STXBP4: variants seen among roughly 807,000 people sequenced by gnomAD.
STXBP4 encodes syntaxin binding protein 4.
In STXBP4, 55 loss-of-function variants were observed where a neutral mutation model predicts 76.1. That is an observed-to-expected ratio of 0.72 (90% confidence interval 0.58 to 0.91). The LOEUF (loss-of-function observed/expected upper bound fraction) is 0.91. STXBP4 is among the 40% of genes least tolerant of loss of function. STXBP4 has a pLI of 0.00. For missense variants in STXBP4, 618 were observed against 636.9 expected (o/e 0.97, Z 0.32); for synonymous variants, 201 against 220.2 (o/e 0.91, Z 0.77).
chr17:55,004,468 G>A (rs1468111015), intron 7 of STXBP4, among the ~76,000 whole-genome samples: 4 of 152,084 alleles, frequency 2.6e-5, no homozygotes, highest in Admixed American at 6.6e-5. Context: ...TTGGAAGGTC[G>A]AGATGGGAGG....
rs369825423 is a variant in STXBP4 at position 54,992,216 on chromosome 17, C to G, written c.180+1259C>G. 6.6e-5 allele frequency among the ~76,000 whole-genome samples: 10 copies of G among 151,820 alleles called. No individual in the cohort carries two copies. The South Asian group carries it at 1.3e-3, about 19-fold the overall frequency. ...ATTGCTTGAGCTCAGGAGTTTGAGA[C>G]CAGCCTGGGCAACGTAGAGAGACTT... is the stretch of plus-strand genomic sequence containing the variant. On this transcript the variant is annotated intron_variant, in intron 4 of 17. Coordinates refer to ENST00000376352, the MANE Select transcript of STXBP4 (RefSeq NM_178509.6).
At position 55,039,953 on chromosome 17, in the gene STXBP4, T is replaced by G. The variant is rs139264571; in HGVS notation, c.856-3283T>G. 5.4e-3 allele frequency among the ~76,000 whole-genome samples: 822 copies of G among 152,158 alleles called. 8 individuals are homozygous for G. The highest frequency in any genetic ancestry group is 6.5e-3 in the Non-Finnish European group (445 of 67,964). ...CACTGGGAAGGAATTTGGGAATATT[T>G]TGGAGAGTGATAGTTGAGGCATAAT... On this transcript the variant is annotated intron_variant, in intron 10 of 17. Transcript: ENST00000376352.
chr17:55,079,575 C>A lies in STXBP4; in HGVS notation c.1355+840C>A, dbSNP rs554746496. 6.4e-5 allele frequency among the ~76,000 whole-genome samples: 9 copies of A among 140,818 alleles called. No individual in the cohort carries two copies. The South Asian group carries it at 1.2e-3, about 18-fold the overall frequency. The allele number at this position is 140,818 out of a possible 152,430, so 92.4% of individuals were successfully genotyped here. ...GAGTTTGAGACAAGGAACATAGTGG[C>A]ACACAGTGGGACCCTATCTCTACAA... is the stretch of plus-strand genomic sequence containing the variant. On this transcript the variant is annotated intron_variant, in intron 15 of 17. Coordinates refer to ENST00000376352, the MANE Select transcript of STXBP4 (RefSeq NM_178509.6).
intron 16 of STXBP4, among the ~76,000 whole-genome samples, chr17:55,090,048 A>G (rs1226024075): frequency 6.6e-6 from 1 of 152,152 alleles, no homozygotes; most frequent in Non-Finnish European, 1.5e-5. Context: ...AACAGTAACG[A>G]TTGTGGGAAT....
chr17:55,123,395 A>G (rs773748780), intron 16 of STXBP4, among the ~76,000 whole-genome samples: 3 of 152,290 alleles, frequency 2.0e-5, no homozygotes, highest in African/African-American at 7.2e-5. Context: ...TTTTTCCTGA[A>G]TTAATCAGAA....
At chr17:55,129,090 C>T (rs146325330) in intron 16 of STXBP4, among the ~76,000 whole-genome samples, 2,184 of 151,926 alleles carry the variant, frequency 0.014, 53 homozygotes, top group African/African-American at 0.049. Context: ...CCACCACACC[C>T]GGCTAATTTT....
chr17:55,000,931 T>G (rs768604021), intron 7 of STXBP4, 48 bp downstream of exon 7: 1 of 1,266,626 alleles, frequency 7.9e-7, no homozygotes, highest in Non-Finnish European at 1.1e-6. Context: ...TTCAATTCTC[T>G]CTCAATGAGG....
At chr17:55,144,310 T>C (rs1054813720) in intron 17 of STXBP4, among the ~76,000 whole-genome samples, 2 of 151,470 alleles carry the variant, frequency 1.3e-5, no homozygotes, top group African/African-American at 4.8e-5. Flanking sequence ...CATAAGTTAG[T>C]TTTTTTTTGT....
At position 55,071,633 on chromosome 17, in the gene STXBP4, ATATTGTT is replaced by A. The variant is rs554646403; in HGVS notation, c.1012-1264_1012-1258del. 2.0e-5 allele frequency among the ~76,000 whole-genome samples: 3 copies of A among 152,316 alleles called. No individual in the cohort carries two copies. The East Asian group carries it at 5.8e-4, about 29-fold the overall frequency. On this transcript the variant is annotated intron_variant, in intron 12 of 17. Coordinates refer to ENST00000376352, the MANE Select transcript of STXBP4 (RefSeq NM_178509.6). ...GAGCAAGAGGGAAGGCTTTTTGTCTATATTGTTTAGTGTCTACCCCCAGTACCTGAAA... is the reference window on the plus strand; with the variant it reads ...GAGCAAGAGGGAAGGCTTTTTGTCTATAGTGTCTACCCCCAGTACCTGAAA...
the STXBP4 span, among the ~76,000 whole-genome samples, chr17:55,209,033 G>A: frequency 6.6e-6 from 1 of 152,124 alleles, no homozygotes; most frequent in Non-Finnish European, 1.5e-5. Flanking sequence ...AGTGAGCCAA[G>A]ATCATGCCAC....
intron 1 of STXBP4, among the ~76,000 whole-genome samples, chr17:54,980,703 G>C (rs1018379535): frequency 1.3e-5 from 2 of 152,170 alleles, no homozygotes; most frequent in African/African-American, 4.8e-5. Flanking sequence ...TTGTGGAGAG[G>C]TAGGGTTTTC....
At chr17:55,195,461 A>T in the STXBP4 span, among the ~76,000 whole-genome samples, 38 of 152,150 alleles carry the variant, frequency 2.5e-4, no homozygotes, top group African/African-American at 8.9e-4. Context: ...TTTTTTATTT[A>T]TTTTGAGACA....
the STXBP4 span, among the ~76,000 whole-genome samples, chr17:55,195,783 C>T: frequency 1.3e-5 from 2 of 152,134 alleles, no homozygotes; most frequent in African/African-American, 2.4e-5. Flanking sequence ...TTCTTGAGGG[C>T]AGGGGGTATG....
At chr17:55,080,340 T>C (rs1004569376) in intron 15 of STXBP4, among the ~76,000 whole-genome samples, 1 of 152,184 alleles carries the variant, frequency 6.6e-6, no homozygotes, top group Admixed American at 6.6e-5. Flanking sequence ...ATAAAGGCTA[T>C]GTATTTGAAT....
At chr17:55,018,586 G>C (rs1024898124) in intron 8 of STXBP4, among the ~76,000 whole-genome samples, 2 of 152,140 alleles carry the variant, frequency 1.3e-5, no homozygotes, top group Non-Finnish European at 2.9e-5. Context: ...AAGCAACAAG[G>C]CTGTTTATTT....
intron 16 of STXBP4, among the ~76,000 whole-genome samples, chr17:55,101,072 A>G (rs1472814687): frequency 1.3e-5 from 2 of 152,136 alleles, no homozygotes; most frequent in Non-Finnish European, 2.9e-5. Flanking sequence ...TACAGAAACC[A>G]TGAGATAATA....
At chr17:55,138,725 GATA>G (rs1335265145) in intron 16 of STXBP4, among the ~76,000 whole-genome samples, 1 of 152,102 alleles carries the variant, frequency 6.6e-6, no homozygotes, top group East Asian at 1.9e-4. Flanking sequence ...AAAGTATTTA[GATA>G]ATGTTAGTCA....
intron 16 of STXBP4, among the ~76,000 whole-genome samples, chr17:55,132,598 A>T (rs1181406997): frequency 6.6e-6 from 1 of 152,228 alleles, no homozygotes; most frequent in African/African-American, 2.4e-5. Flanking sequence ...TACTTGGTAA[A>T]CATTGATTCC....
intron 17 of STXBP4, among the ~76,000 whole-genome samples, chr17:55,151,461 C>T (rs1483239939): frequency 6.6e-6 from 1 of 152,218 alleles, no homozygotes; most frequent in Non-Finnish European, 1.5e-5. Context: ...ACATCTGTAT[C>T]AAATGAATGA....
Sources: gnomAD v4.1 joint callset for allele counts (sites outside exome capture counted in the v4.1 genomes callset) on GRCh38, gnomAD v4.1.1 for gene constraint, MANE v1.5 for transcripts, NCBI Gene and HGNC (gene_info 2026-07-23, HGNC 2026-07-21) for gene names.